Variants in SMARCA4 observed in about 807,000 individuals in gnomAD.
SMARCA4 encodes SWI/SNF-related matrix-associated actin-dependent regulator of chromatin subfamily A member 4.
In SMARCA4, 31 loss-of-function variants were observed where a neutral mutation model predicts 193.9. The ratio of observed to expected loss-of-function variants is 0.16; its 90% CI spans 0.12 to 0.22. SMARCA4 has a LOEUF of 0.22. Ranked by LOEUF, SMARCA4 falls within the 10% of genes least tolerant of loss-of-function variation. The probability of loss-of-function intolerance (pLI) is 1.00; values close to 1 mark genes in which losing one functional copy is unlikely to be tolerated. For synonymous variants in SMARCA4, 942 were observed against 933.1 expected, an observed-to-expected ratio of 1.01 and a Z score of -0.17; for missense variants, 1,148 against 2,296.0, an observed-to-expected ratio of 0.50 and a Z score of 10.22.
At chr19:10,992,228 C>T (rs972788457) in intron 8 of SMARCA4, among the ~76,000 whole-genome samples, 10 of 151,440 alleles carry the variant, frequency 6.6e-5, no homozygotes, top group Non-Finnish European at 1.3e-4. Context: ...TTTCCTGCCT[C>T]AGCCTACCTA....
intron 32 of SMARCA4, 119 bp from the exon 33 acceptor site, chr19:11,059,634 T>C (rs898830327): frequency 3.2e-5 from 37 of 1,149,660 alleles, no homozygotes; most frequent in Admixed American, 8.0e-5. Context: ...GAGGCTCGCA[T>C]TGGCCACTGA....
At chr19:11,010,880 T>C in intron 15 of SMARCA4, 1 of 368,052 alleles carries the variant, frequency 2.7e-6, no homozygotes. Context: ...TGTGTAGGAC[T>C]GAACCAGGGC....
chr19:11,010,118 GC>G (rs763880864), intron 14 of SMARCA4, among the ~76,000 whole-genome samples: 2 of 152,158 alleles, frequency 1.3e-5, no homozygotes, highest in East Asian at 1.9e-4. Flanking sequence ...GAGCCACCAC[GC>G]CCATCAGAGT....
At chr19:10,995,719 G>A (rs1352940721) in intron 9 of SMARCA4, among the ~76,000 whole-genome samples, 1 of 152,174 alleles carries the variant, frequency 6.6e-6, no homozygotes, top group African/African-American at 2.4e-5. Flanking sequence ...AGGAGGTGAG[G>A]TCAGAGCTTA....
intron 29 of SMARCA4, among the ~76,000 whole-genome samples, chr19:11,037,067 T>A (rs1011314897): frequency 6.6e-6 from 1 of 152,288 alleles, no homozygotes; most frequent in Admixed American, 6.5e-5. Context: ...ACTTTCGGGC[T>A]ATTACAAACA....
intron 9 of SMARCA4, chr19:10,995,309 A>G (rs2086927171): frequency 1.8e-6 from 1 of 557,850 alleles, no homozygotes; most frequent in Non-Finnish European, 3.4e-6. Context: ...CAGACCCCCG[A>G]CCCCTAGCAT....
At chr19:11,010,629 C>T in intron 15 of SMARCA4, 98 bp downstream of exon 15, 3 of 1,198,732 alleles carry the variant, frequency 2.5e-6, no homozygotes, top group Non-Finnish European at 3.7e-6. Flanking sequence ...CCTGAGTTCA[C>T]CTTTTGCTCT....
chr19:11,027,124 A>G (rs1043512367), intron 23 of SMARCA4, among the ~76,000 whole-genome samples: 1 of 152,196 alleles, frequency 6.6e-6, no homozygotes, highest in Non-Finnish European at 1.5e-5. Context: ...CCTCCATTCA[A>G]TTCCCCTGGG....
In SMARCA4 at chr19:10,990,163, C is replaced by CT. The variant is rs538881882; in HGVS notation, c.1245+728dup. 1.5e-3 allele frequency among the ~76,000 whole-genome samples: 227 copies of CT among 150,560 alleles called. 3 individuals carry two copies. Among genetic ancestry groups the CT allele is most frequent in the African/African-American group, 5.3e-3 (217 of 40,982 alleles). On this transcript the variant is annotated intron_variant, in intron 7 of 34. Transcript: ENST00000344626. ...CACCATTACACCTGGCTATATTTTT[C>CT]TTTTTTTTGAAACAGAGTCTCACTC...
intron 15 of SMARCA4, 22 bp from the exon 16 acceptor site, chr19:11,012,927 G>A (rs762566052): frequency 4.3e-6 from 7 of 1,613,820 alleles, no homozygotes; most frequent in African/African-American, 4.0e-5. Context: ...CAGTCCTGGC[G>A]TGGCCGCATC....
intron 11 of SMARCA4, 125 bp from the exon 12 acceptor site, chr19:11,002,904 A>G (rs1175875532): frequency 3.0e-6 from 3 of 983,892 alleles, no homozygotes; most frequent in Non-Finnish European, 4.8e-6. Context: ...TTTTCCCACC[A>G]CTGGCCATGT....
chr19:10,967,421 C>T (rs995879976), intron 1 of SMARCA4, among the ~76,000 whole-genome samples: 7 of 152,158 alleles, frequency 4.6e-5, no homozygotes, highest in Admixed American at 6.6e-5. Context: ...CGCCATTCTC[C>T]TGCCTCAGCC....
chr19:11,033,956 G>A lies in SMARCA4; in HGVS notation c.3873+91G>A. ...AGGGCCCTGGTCCCACGGAGCGTGC[G>A]TGTGCGTGTGCGTGTGTGTGCCTTT... On this transcript the variant is annotated intron_variant, in intron 27 of 34. Transcript: ENST00000344626. The surrounding 1 kb of genome is among the most constrained non-coding windows in gnomAD (Gnocchi z 9.8). The A allele has an allele frequency of 2.7e-6, 2 of 743,782 alleles. No homozygotes were observed. Among genetic ancestry groups the A allele is most frequent in the Non-Finnish European group, 2.5e-6 (1 of 406,210 alleles). The allele number at this position is 743,782 out of a possible 1,614,324, so 46.1% of individuals were successfully genotyped here. A position where few individuals can be genotyped will look rare whatever the true frequency, so the allele number is the denominator to read the frequency against.
intron 19 of SMARCA4, among the ~76,000 whole-genome samples, chr19:11,022,716 G>C (rs1418317290): frequency 1.3e-5 from 2 of 152,162 alleles, no homozygotes; most frequent in Non-Finnish European, 2.9e-5. Context: ...GGCCTTCCTG[G>C]CCTCATGCGT....
intron 11 of SMARCA4, 63 bp downstream of exon 11, chr19:10,996,607 A>G (rs2087078682): frequency 3.5e-6 from 5 of 1,443,282 alleles, no homozygotes; most frequent in Non-Finnish European, 3.9e-6. Flanking sequence ...TCTGTTTCAG[A>G]CTTTAAAACC....
At chr19:11,016,131 A>T (rs2089335086) in intron 16 of SMARCA4, 1 of 151,986 alleles carries the variant, frequency 6.6e-6, no homozygotes, top group Non-Finnish European at 1.5e-5. Flanking sequence ...GTGTGTAGAG[A>T]TCCCATGGGG....
chr19:11,044,403 C>T (rs1419118626), intron 30 of SMARCA4, among the ~76,000 whole-genome samples: 5 of 152,120 alleles, frequency 3.3e-5, no homozygotes, highest in Non-Finnish European at 5.9e-5. Flanking sequence ...TTAATGGACA[C>T]GCTGATGGAG....
rs1259800869 is a variant in SMARCA4 at position 11,034,871 on chromosome 19, G to A, written c.3952-43G>A. 3.7e-6 allele frequency: 5 copies of A among 1,344,938 alleles called. No individual in the cohort carries two copies. The highest frequency in any genetic ancestry group is 4.1e-6 in the Non-Finnish European group (4 of 965,858). 83.3% of individuals were successfully genotyped at this position (1,344,938 alleles called of 1,614,324 possible). On this transcript the variant is annotated intron_variant, in intron 28 of 34. Coordinates refer to ENST00000344626, the MANE Select transcript of SMARCA4 (RefSeq NM_003072.5). The surrounding 1 kb of genome is among the most constrained non-coding windows in gnomAD (Gnocchi z 7.0). ...GTTCTGGCTCTAGCGTGCCCCTGGT[G>A]CCTGCATGCTGATGCCTCTCCCGTT...
At chr19:11,060,328 AC>A in intron 34 of SMARCA4, 141 bp downstream of exon 34, 2 of 1,044,770 alleles carry the variant, frequency 1.9e-6, no homozygotes, top group Non-Finnish European at 2.9e-6. Context: ...GCCATGGCTG[AC>A]CCCAGGTCAC....
Sources: gnomAD v4.1 joint callset for allele counts (sites outside exome capture counted in the v4.1 genomes callset) on GRCh38, gnomAD v4.1.1 for gene constraint, Gnocchi (gnomAD v3.1) non-coding constraint, MANE v1.5 for transcripts, NCBI Gene and HGNC (gene_info 2026-07-23, HGNC 2026-07-21) for gene names.